Variants in IRAK4 observed in about 807,000 individuals in gnomAD.
IRAK4 encodes interleukin-1 receptor-associated kinase 4.
IRAK4 carries 44 observed loss-of-function variants against 51.8 expected under a neutral mutation model. The ratio of observed to expected loss-of-function variants is 0.85; its 90% confidence interval spans 0.67 to 1.09. The LOEUF is 1.09. Ranked by LOEUF, IRAK4 falls within the 50% of genes least tolerant of loss-of-function variation. IRAK4 has a pLI of 0.00. For synonymous variants in IRAK4, 149 were observed against 174.1 expected (o/e 0.86, Z 1.13); for missense variants, 487 against 538.0 (o/e 0.91, Z 0.94).
chr12:43,762,731 G>A (rs1283215093), intron 1 of IRAK4, among the ~76,000 whole-genome samples: 2 of 152,166 alleles, frequency 1.3e-5, no homozygotes, highest in Non-Finnish European at 2.9e-5. Flanking sequence ...ACAATCAGGG[G>A]AAGCTAACAG....
intron 6 of IRAK4, among the ~76,000 whole-genome samples, chr12:43,774,747 G>C (rs1335320429): frequency 6.6e-6 from 1 of 152,190 alleles, no homozygotes; most frequent in Non-Finnish European, 1.5e-5. Flanking sequence ...TGCTTAGAAG[G>C]CATTGATCCT....
Position 43,772,961 on chromosome 12 carries a change from T to A in IRAK4, c.540T>A (p.Phe180Leu). The change falls in exon 5 of 12, where the codon TTT (phenylalanine) becomes TTA (leucine). Residue 180 changes from phenylalanine (F) to leucine (L), a missense_variant. Coordinates refer to ENST00000613694, the MANE Select transcript of IRAK4 (RefSeq NM_016123.4). ...AATTGAAGAATGTCACAAATAACTT[T>A]GATGAACGACCCATTTCTGTTGGTG... Reference protein sequence around the residue: ...FYELKNVTNNFDERPISVGGN... With the variant: ...FYELKNVTNNLDERPISVGGN... The A allele has an allele frequency of 3.1e-6, 5 of 1,611,526 alleles. No individual in the cohort carries two copies. Among genetic ancestry groups the A allele is most frequent in the Non-Finnish European group, 4.2e-6 (5 of 1,178,566 alleles).
chr12:43,776,661 G>GT (rs1941300814), intron 6 of IRAK4, among the ~76,000 whole-genome samples: 1 of 152,240 alleles, frequency 6.6e-6, no homozygotes, highest in African/African-American at 2.4e-5. Flanking sequence ...CTGAGGCTCA[G>GT]TAAGGCTGTT....
rs1592268810 is a variant in IRAK4, at chr12:43,786,847, G to A, written c.*132G>A. On this transcript the variant is annotated 3_prime_UTR_variant, in exon 12 of 12. Transcript: ENST00000613694. ...CTGTTGCAGGACAGTGGTTATTAAAGCATGGGTTGAACTTCCAAAATATAA... is the reference window on the plus strand; with the variant it reads ...CTGTTGCAGGACAGTGGTTATTAAAACATGGGTTGAACTTCCAAAATATAA... 1 of 773,236 alleles carries A rather than the reference G, an allele frequency of 1.3e-6. No homozygotes were observed. Among genetic ancestry groups the A allele is most frequent in the African/African-American group, 1.8e-5 (1 of 56,790 alleles). The allele number at this position is 773,236 out of a possible 1,614,324, so 47.9% of individuals were successfully genotyped here.
chr12:43,771,082 T>C (rs1365011104), intron 2 of IRAK4, 138 bp from the exon 3 acceptor site: 1 of 792,954 alleles, frequency 1.3e-6, no homozygotes, highest in African/African-American at 1.7e-5. Context: ...CTCTCGATCT[T>C]GGACTTCCCA....
At chr12:43,780,146 A>C (rs1223042421) in intron 8 of IRAK4, among the ~76,000 whole-genome samples, 1 of 152,240 alleles carries the variant, frequency 6.6e-6, no homozygotes, top group Admixed American at 6.5e-5. Flanking sequence ...TCATTGGATT[A>C]GCATCACCAT....
chr12:43,768,221 T>C lies in IRAK4; in HGVS notation c.110T>C (p.Val37Ala), dbSNP rs1035506145. 1.2e-6 allele frequency: 2 copies of C among 1,613,202 alleles called. No individual in the cohort carries two copies. The highest frequency in any genetic ancestry group is 1.7e-6 in the Non-Finnish European group (2 of 1,179,380). The change falls in exon 2 of 12, where the codon GTA becomes GCA. Residue 37 changes from valine (V) to alanine (A), a missense_variant. Val to Ala is a moderately conservative substitution (Grantham distance 64, BLOSUM62 0). Transcript: ENST00000613694. ...DPQEGWKKLA[V>A]AIKKPSGDDR... ...CAAGAAGGATGGAAGAAGTTAGCTG[T>C]AGCTATTAAAAAACCATCTGGTGAT... is the stretch of plus-strand genomic sequence containing the variant.
chr12:43,779,001 C>G (rs1002864082), intron 8 of IRAK4, among the ~76,000 whole-genome samples: 7 of 152,052 alleles, frequency 4.6e-5, no homozygotes, highest in African/African-American at 1.7e-4. Context: ...TGATGAGTTA[C>G]AAGAAATGAA....
At chr12:43,781,923 AG>A (rs1193718800) in intron 8 of IRAK4, among the ~76,000 whole-genome samples, 10 of 152,234 alleles carry the variant, frequency 6.6e-5, no homozygotes, top group Admixed American at 2.6e-4. Flanking sequence ...ATACATACTA[AG>A]AAAGGAATTA....
intron 3 of IRAK4, 36 bp downstream of exon 3, chr12:43,771,401 G>T (rs753986362): frequency 2.4e-5 from 38 of 1,608,074 alleles, no homozygotes; most frequent in Non-Finnish European, 3.2e-5. Flanking sequence ...CACAATTAGG[G>T]TGGAAAGACA....
intron 10 of IRAK4, among the ~76,000 whole-genome samples, chr12:43,784,973 C>G (rs1942083582): frequency 6.6e-6 from 1 of 152,114 alleles, no homozygotes; most frequent in African/African-American, 2.4e-5. Flanking sequence ...CTTCCTAGGA[C>G]TGTTATAAAA....
chr12:43,774,166 G>C (rs1941057141), intron 6 of IRAK4, 137 bp downstream of exon 6: 10 of 680,270 alleles, frequency 1.5e-5, no homozygotes, highest in Non-Finnish European at 2.3e-5. Flanking sequence ...TTAGATTAGA[G>C]AAATTGAAAG....
chr12:43,786,461 G>C lies in IRAK4; in HGVS notation c.1251G>C (p.Lys417Asn). 1 of 1,610,278 alleles carries C rather than the reference G, an allele frequency of 6.2e-7. No individual in the cohort carries two copies. Among genetic ancestry groups the C allele is most frequent in the Non-Finnish European group, 8.5e-7 (1 of 1,178,654 alleles). The change falls in exon 11 of 12, where the codon AAG becomes AAC. Residue 417 changes from lysine to asparagine, a missense_variant. Lys to Asn is a moderately conservative substitution (Grantham distance 94). Transcript: ENST00000613694. The stretch of plus-strand genomic sequence containing the variant: ...CAATTGAAGATTATATTGATAAAAA[G>C]ATGAATGATGCTGATTCCACTTCAG... ...EKTIEDYIDK[K>N]MNDADSTSVE...
At chr12:43,778,831 G>A (rs1037456777) in intron 8 of IRAK4, among the ~76,000 whole-genome samples, 2 of 151,934 alleles carry the variant, frequency 1.3e-5, no homozygotes, top group Non-Finnish European at 2.9e-5. Context: ...ATAAAGAAGG[G>A]TTTCCAAGAA....
At chr12:43,765,310 CTCGAAAA>C (rs1213749004) in intron 1 of IRAK4, among the ~76,000 whole-genome samples, 1 of 152,164 alleles carries the variant, frequency 6.6e-6, no homozygotes, top group East Asian at 1.9e-4. Context: ...GAATGTTTTC[CTCGAAAA>C]TCGATGTGGA....
chr12:43,765,162 T>G (rs1286372714), intron 1 of IRAK4, among the ~76,000 whole-genome samples: 1 of 152,242 alleles, frequency 6.6e-6, no homozygotes, highest in East Asian at 1.9e-4. Flanking sequence ...TACAACAGTT[T>G]GGGCAGCCAT....
intron 1 of IRAK4, among the ~76,000 whole-genome samples, chr12:43,762,408 C>T (rs1939660803): frequency 6.6e-6 from 1 of 152,138 alleles, no homozygotes; most frequent in Non-Finnish European, 1.5e-5. Context: ...GACTACTAAG[C>T]AGTTCTATCT....
chr12:43,786,805 C>T lies in IRAK4; in HGVS notation c.*90C>T. On this transcript the variant is annotated 3_prime_UTR_variant, in exon 12 of 12. Transcript: ENST00000613694. ...TTTTTTCCTAAATATTCTTCTTTAC[C>T]TTTAACAAGGCATAGGCTGTTGCAG... 8.8e-7 allele frequency: 1 copy of T among 1,135,428 alleles called. No homozygotes were observed. The highest frequency in any genetic ancestry group is 1.3e-5 in the South Asian group (1 of 77,448). The allele number at this position is 1,135,428 out of a possible 1,614,324, so 70.3% of individuals were successfully genotyped here.
At chr12:43,769,153 T>A (rs1317116620) in intron 2 of IRAK4, among the ~76,000 whole-genome samples, 6 of 152,134 alleles carry the variant, frequency 3.9e-5, no homozygotes, top group Non-Finnish European at 1.5e-5. Flanking sequence ...CTTTTTTTTT[T>A]CTTTTTTCCA....
Sources: gnomAD v4.1 joint callset for allele counts (sites outside exome capture counted in the v4.1 genomes callset) on GRCh38, gnomAD v4.1.1 for gene constraint, MANE v1.5 for transcripts, NCBI Gene and HGNC (gene_info 2026-07-23, HGNC 2026-07-21) for gene names.